The following TPD52 variants were observed in gnomAD, a reference collection of about 807,000 sequenced individuals.
TPD52 encodes the protein prostate and colon associated protein.
A neutral mutation model predicts 31.3 loss-of-function variants in TPD52; 17 were observed. That is an observed-to-expected ratio of 0.54 (90% confidence interval 0.37 to 0.82). The LOEUF is 0.82. Ranked by LOEUF, TPD52 falls within the 40% of genes least tolerant of loss-of-function variation. The probability of loss-of-function intolerance (pLI) is 0.00; values close to 1 mark genes in which losing one functional copy is unlikely to be tolerated. For missense variants in TPD52, 212 were observed against 240.1 expected (o/e 0.88, Z 0.77); for synonymous variants, 83 against 89.6 (o/e 0.93, Z 0.42).
chr8:80,121,060 C>T (rs78457804), intron 1 of TPD52, among the ~76,000 whole-genome samples: 2 of 147,712 alleles, frequency 1.4e-5, no homozygotes, highest in East Asian at 2.0e-4. Context: ...CCAGCCTGGG[C>T]GACAGAGTGA....
At chr8:80,082,918 A>T (rs1254435069) in intron 1 of TPD52, among the ~76,000 whole-genome samples, 1 of 152,252 alleles carries the variant, frequency 6.6e-6, no homozygotes, top group Non-Finnish European at 1.5e-5. Context: ...CTGCTTAGAT[A>T]CAATCTTAGG....
chr8:80,090,101 A>T (rs187697001), intron 1 of TPD52, among the ~76,000 whole-genome samples: 11 of 152,308 alleles, frequency 7.2e-5, no homozygotes, highest in African/African-American at 1.4e-4. Context: ...AGTTTTAAAA[A>T]GTATTTTAGG....
rs79106215 is a variant in TPD52 at position 80,055,859 on chromosome 8, T to C, written c.136-2429A>G. 6.7e-3 allele frequency among the ~76,000 whole-genome samples: 1,021 copies of C among 152,326 alleles called. 16 individuals are homozygous for C. The highest frequency in any genetic ancestry group is 0.053 in the East Asian group (273 of 5,192). ...AGGTATCACCTCACACCTGTTATTA[T>C]GCCTGTTATCAAAAAACCAAAAAAT... On this transcript the variant is annotated intron_variant, in intron 2 of 7. Coordinates refer to ENST00000518937, the MANE Select transcript of TPD52 (RefSeq NM_001025253.3).
At chr8:80,094,484 A>G (rs1816576181) in intron 1 of TPD52, among the ~76,000 whole-genome samples, 2 of 104,982 alleles carry the variant, frequency 1.9e-5, no homozygotes, top group African/African-American at 3.1e-5. Flanking sequence ...ATATATATAT[A>G]TGTATGTATA....
At chr8:80,153,091 T>C (rs998578686) in intron 1 of TPD52, among the ~76,000 whole-genome samples, 2 of 152,084 alleles carry the variant, frequency 1.3e-5, no homozygotes, top group Admixed American at 6.6e-5. Context: ...AGTGCTGAGG[T>C]TACTAGGATT....
chr8:80,040,633 C>T (rs1810292395), intron 7 of TPD52, among the ~76,000 whole-genome samples: 1 of 152,094 alleles, frequency 6.6e-6, no homozygotes, highest in South Asian at 2.1e-4. Flanking sequence ...TCCTCATGTC[C>T]AATGTCAAAA....
rs189340972 is a variant in TPD52, at chr8:80,131,197, T to G, written c.19+40228A>C. ...TGGTGTTGAGATCAGGAGAAAAAAA[T>G]CAGCAAAGACAACTCTTTGAAATAT... On this transcript the variant is annotated intron_variant, in intron 1 of 7. Transcript: ENST00000518937. Among the ~76,000 whole-genome samples the G allele has an allele frequency of 1.8e-3, 277 of 152,064 alleles. 3 individuals are homozygous for G. The highest frequency in any genetic ancestry group is 4.6e-3 in the Admixed American group (71 of 15,280).
In TPD52 at chr8:80,035,967, G is replaced by GT. The variant is rs1809876998; in HGVS notation, c.*2148dup. ...CCATTTTGAATATTTCTAAATTCAT[G>GT]TTTTTTTCTAAATCCATCCTCACTC... On this transcript the variant is annotated 3_prime_UTR_variant, in exon 8 of 8. Transcript: ENST00000518937. 1 of 152,238 alleles carries GT rather than the reference G, an allele frequency of 6.6e-6. No homozygotes were observed. The highest frequency in any genetic ancestry group is 1.9e-4 in the East Asian group (1 of 5,186). The allele number at this position is 152,238 out of a possible 1,614,324, so 9.4% of individuals were successfully genotyped here.
chr8:80,145,133 TA>T (rs1810104203), intron 1 of TPD52, among the ~76,000 whole-genome samples: 1 of 152,140 alleles, frequency 6.6e-6, no homozygotes. Flanking sequence ...TGCCACTTAG[TA>T]GAGTATTTTC....
intron 1 of TPD52, among the ~76,000 whole-genome samples, chr8:80,107,376 G>A (rs960528733): frequency 1.2e-4 from 18 of 152,192 alleles, no homozygotes; most frequent in African/African-American, 4.3e-4. Flanking sequence ...GAGAGGAAAA[G>A]GATAAGGAAG....
At chr8:80,051,007 A>G (rs555391991) in intron 4 of TPD52, among the ~76,000 whole-genome samples, 60 of 152,158 alleles carry the variant, frequency 3.9e-4, no homozygotes, top group Admixed American at 1.3e-3. Context: ...TAAATGAAAA[A>G]AAAAAAAAGC....
chr8:80,038,094 T>G lies in TPD52; in HGVS notation c.*22A>C. On this transcript the variant is annotated 3_prime_UTR_variant, in exon 8 of 8. Transcript: ENST00000518937. ...CTCGCTTGCAGCATCTGGCAGTGGG[T>G]AGCAGAACAAAGGTAGGAATCTCAC... The G allele has an allele frequency of 6.2e-7, 1 of 1,612,906 alleles. No homozygotes were observed. Among genetic ancestry groups the G allele is most frequent in the South Asian group, 1.1e-5 (1 of 91,028 alleles).
intron 1 of TPD52, among the ~76,000 whole-genome samples, chr8:80,154,260 C>T (rs1014059108): frequency 6.6e-6 from 1 of 152,208 alleles, no homozygotes; most frequent in African/African-American, 2.4e-5. Context: ...CTGTTGTCCC[C>T]CATGGGGAGT....
intron 2 of TPD52, among the ~76,000 whole-genome samples, chr8:80,054,502 G>T (rs575425695): frequency 1.4e-4 from 21 of 152,194 alleles, no homozygotes; most frequent in South Asian, 6.2e-4. Context: ...GGTCCCTAAA[G>T]TATATCCATT....
intron 1 of TPD52, among the ~76,000 whole-genome samples, chr8:80,098,312 T>C (rs933428086): frequency 6.6e-6 from 1 of 152,240 alleles, no homozygotes; most frequent in African/African-American, 2.4e-5. Context: ...GTGGCCAATC[T>C]GCCAGAGATT....
intron 1 of TPD52, among the ~76,000 whole-genome samples, chr8:80,096,726 A>T (rs1437462000): frequency 6.6e-6 from 1 of 152,234 alleles, no homozygotes. Flanking sequence ...AGGATGGCAA[A>T]CTCAATCGAT....
At chr8:80,057,285 T>C (rs1811996905) in intron 2 of TPD52, among the ~76,000 whole-genome samples, 2 of 152,202 alleles carry the variant, frequency 1.3e-5, no homozygotes, top group African/African-American at 2.4e-5. Flanking sequence ...GGAACACAAT[T>C]TGGATACTTC....
rs1563554277 is a variant in TPD52 at position 80,037,330 on chromosome 8, A to G, written c.*786T>C. ...TCATAGTTCAACCTACTGAACATACAGTGTGCTTGATTCAGAATGTTATTT... is the reference window on the plus strand; with the variant it reads ...TCATAGTTCAACCTACTGAACATACGGTGTGCTTGATTCAGAATGTTATTT... On this transcript the variant is annotated 3_prime_UTR_variant, in exon 8 of 8. Transcript: ENST00000518937. 1 of 152,286 alleles carries G rather than the reference A, an allele frequency of 6.6e-6. No individual in the cohort carries two copies. Among genetic ancestry groups the G allele is most frequent in the Non-Finnish European group, 1.5e-5 (1 of 67,988 alleles). 9.4% of individuals were successfully genotyped at this position (152,286 alleles called of 1,614,324 possible).
chr8:80,134,750 T>C (rs1180585532), intron 1 of TPD52, among the ~76,000 whole-genome samples: 1 of 152,166 alleles, frequency 6.6e-6, no homozygotes, highest in Non-Finnish European at 1.5e-5. Flanking sequence ...GATCCGTTAG[T>C]CCATTCAGCC....
Sources: gnomAD v4.1 joint callset for allele counts (sites outside exome capture counted in the v4.1 genomes callset) on GRCh38, gnomAD v4.1.1 for gene constraint, MANE v1.5 for transcripts, NCBI Gene and HGNC (gene_info 2026-07-23, HGNC 2026-07-21) for gene names.